MARCHF7: variants seen among roughly 807,000 people sequenced by gnomAD.
MARCHF7 encodes E3 ubiquitin-protein ligase MARCHF7.
Under a neutral mutation model 76.5 loss-of-function variants are expected in MARCHF7, and 20 were observed. That is an observed-to-expected ratio of 0.26 (90% CI 0.18 to 0.38). The LOEUF (loss-of-function observed/expected upper bound fraction) is 0.38, where lower values mean the gene tolerates loss of function less well. Among genes scored for constraint, MARCHF7 ranks in the 10% least tolerant of loss-of-function variants. MARCHF7 has a pLI of 1.00. For synonymous variants in MARCHF7, 295 were observed against 293.0 expected (o/e 1.01, Z -0.07); for missense variants, 797 against 812.9 (o/e 0.98, Z 0.24).
Position 159,712,517 on chromosome 2 carries a change from G to C in MARCHF7, c.-232G>C, listed in dbSNP as rs745638141. 5 of 152,812 alleles carry C rather than the reference G, an allele frequency of 3.3e-5. No individual in the cohort carries two copies. Among genetic ancestry groups the C allele is most frequent in the African/African-American group, 1.2e-4 (5 of 41,450 alleles). 9.5% of individuals were successfully genotyped at this position (152,812 alleles called of 1,614,324 possible). ...TAACGGTGGTGGCTGGTTCTGCGCC[G>C]GATCCGGGAGAGGGGCGGGCGCCAT... On this transcript the variant is annotated 5_prime_UTR_variant, in exon 1 of 12. Coordinates refer to ENST00000409175, the MANE Select transcript of MARCHF7 (RefSeq NM_001282805.2).
intron 4 of MARCHF7, chr2:159,733,992 A>G (rs1703140123): frequency 1.5e-6 from 2 of 1,325,096 alleles, no homozygotes; most frequent in Middle Eastern, 2.0e-4. Context: ...ACCTGCTACT[A>G]ATCTTGCTGT....
intron 7 of MARCHF7, 46 bp downstream of exon 7, chr2:159,748,949 A>G (rs184322575): frequency 6.8e-7 from 1 of 1,460,206 alleles, no homozygotes; most frequent in East Asian, 2.4e-5. Flanking sequence ...AAAATAGAGA[A>G]AGAACTCTTC....
At chr2:159,738,050 C>A (rs1703672790) in intron 4 of MARCHF7, among the ~76,000 whole-genome samples, 1 of 152,222 alleles carries the variant, frequency 6.6e-6, no homozygotes, top group Admixed American at 6.5e-5. Context: ...AAGGGTGAGC[C>A]AGACATGGAT....
At chr2:159,752,369 T>C (rs1307095142) in intron 7 of MARCHF7, 33 bp from the exon 8 acceptor site, 5 of 1,525,780 alleles carry the variant, frequency 3.3e-6, no homozygotes, top group Non-Finnish European at 3.5e-6. Flanking sequence ...GGATGAGTTA[T>C]GATAGCTTTG....
intron 6 of MARCHF7, among the ~76,000 whole-genome samples, chr2:159,747,178 A>T (rs1050425061): frequency 6.6e-6 from 1 of 152,190 alleles, no homozygotes; most frequent in African/African-American, 2.4e-5. Context: ...CCCTATTCTG[A>T]TTCATAGTTC....
chr2:159,723,424 G>T (rs1470447391), intron 3 of MARCHF7, among the ~76,000 whole-genome samples: 4 of 152,194 alleles, frequency 2.6e-5, no homozygotes, highest in Non-Finnish European at 4.4e-5. Flanking sequence ...CATAAACTGG[G>T]ACTGTTCTGG....
chr2:159,721,299 G>C (rs189280123), intron 3 of MARCHF7, among the ~76,000 whole-genome samples: 16 of 152,196 alleles, frequency 1.1e-4, no homozygotes, highest in South Asian at 4.1e-4. Context: ...CAGAGGAATG[G>C]AGTCACTCAT....
chr2:159,717,333 C>G (rs980528232), intron 3 of MARCHF7, among the ~76,000 whole-genome samples: 2 of 152,250 alleles, frequency 1.3e-5, no homozygotes, highest in South Asian at 4.1e-4. Flanking sequence ...ACCATAGGTT[C>G]TTTAGACCAC....
chr2:159,767,393 T>C lies in MARCHF7; in HGVS notation c.*51T>C. The C allele has an allele frequency of 1.4e-6, 2 of 1,390,716 alleles. No individual in the cohort carries two copies. The highest frequency in any genetic ancestry group is 2.4e-5 in the South Asian group (2 of 82,438). The allele number at this position is 1,390,716 out of a possible 1,614,324, so 86.1% of individuals were successfully genotyped here. On this transcript the variant is annotated 3_prime_UTR_variant, in exon 12 of 12. Coordinates refer to ENST00000409175, the MANE Select transcript of MARCHF7 (RefSeq NM_001282805.2). ...TGTGAACATAAGTGTTTATTAAAAA[T>C]GGCAATTAAATATAAATTACTTTTG...
At chr2:159,753,065 A>G (rs1705847678) in intron 8 of MARCHF7, among the ~76,000 whole-genome samples, 1 of 152,192 alleles carries the variant, frequency 6.6e-6, no homozygotes, top group South Asian at 2.1e-4. Context: ...TGCTTCTTGT[A>G]GTGATATTGG....
In MARCHF7 at chr2:159,749,433, C is replaced by T. The variant is rs544548731; in HGVS notation, c.1613+530C>T. On this transcript the variant is annotated intron_variant, in intron 7 of 11. Coordinates refer to ENST00000409175, the MANE Select transcript of MARCHF7 (RefSeq NM_001282805.2). ...CACAGTCTTGGCTCACTGCAACCTCCGCCTCCCTGGTTCAAGCAATTCTCC... is the reference window on the plus strand; with the variant it reads ...CACAGTCTTGGCTCACTGCAACCTCTGCCTCCCTGGTTCAAGCAATTCTCC... 2.9e-3 allele frequency among the ~76,000 whole-genome samples: 437 copies of T among 151,710 alleles called. No individual in the cohort carries two copies. The Middle Eastern group carries it at 0.044, about 15-fold the overall frequency.
chr2:159,767,069 T>C (rs1471967652), intron 11 of MARCHF7, among the ~76,000 whole-genome samples: 1 of 152,118 alleles, frequency 6.6e-6, no homozygotes, highest in East Asian at 1.9e-4. Flanking sequence ...TGATATAACA[T>C]TACAAAACGG....
At chr2:159,764,220 G>GTC (rs1282003725) in intron 10 of MARCHF7, among the ~76,000 whole-genome samples, 5 of 81,624 alleles carry the variant, frequency 6.1e-5, no homozygotes, top group African/African-American at 1.6e-4. Context: ...TTTTGTGTGT[G>GTC]TGTGTGTGTG....
chr2:159,745,883 A>T lies in MARCHF7; in HGVS notation c.460A>T (p.Ile154Phe). 6.2e-7 allele frequency: 1 copy of T among 1,611,818 alleles called. No individual in the cohort carries two copies. The highest frequency in any genetic ancestry group is 1.1e-5 in the South Asian group (1 of 90,964). ...RDLERRTDSS[I>F]SNLMDYSHRS... The stretch of plus-strand genomic sequence containing the variant: ...TTTGGAGAGAAGAACAGATTCCTCT[A>T]TTAGTAATCTTATGGATTATAGTCA... The change falls in exon 6 of 12, where the codon ATT (isoleucine) becomes TTT (phenylalanine). Residue 154 changes from isoleucine to phenylalanine, a missense_variant. Physicochemically the swap from Ile to Phe is conservative, Grantham distance 21. Around this residue, in one of 3 missense-constraint regions of MARCHF7, gnomAD observed 643 missense variants for 631.5 expected, o/e 1.02. Coordinates refer to ENST00000409175, the MANE Select transcript of MARCHF7 (RefSeq NM_001282805.2).
At chr2:159,714,069 G>C (rs967183244) in intron 1 of MARCHF7, among the ~76,000 whole-genome samples, 1 of 152,148 alleles carries the variant, frequency 6.6e-6, no homozygotes, top group Non-Finnish European at 1.5e-5. Flanking sequence ...CTACATGAAG[G>C]TGTCAGGTAA....
chr2:159,754,564 C>G (rs1460330389), intron 8 of MARCHF7, among the ~76,000 whole-genome samples: 5 of 151,972 alleles, frequency 3.3e-5, no homozygotes, highest in Admixed American at 3.3e-4. Context: ...ATTAGAGTTA[C>G]ATGGGATCAC....
chr2:159,732,460 G>A (rs527597673), intron 4 of MARCHF7, among the ~76,000 whole-genome samples: 3 of 152,238 alleles, frequency 2.0e-5, no homozygotes, highest in African/African-American at 7.2e-5. Flanking sequence ...TTTTTAGGCT[G>A]CTTTGCTTAT....
rs1027036217 is a variant in MARCHF7, at chr2:159,770,814, C to CCTAA, written c.*3476_*3479dup. 3.9e-5 allele frequency: 6 copies of CCTAA among 152,202 alleles called. No individual in the cohort carries two copies. The highest frequency in any genetic ancestry group is 9.6e-5 in the African/African-American group (4 of 41,534). The allele number at this position is 152,202 out of a possible 1,614,324, so 9.4% of individuals were successfully genotyped here. ...ACAAGCTGATTTTCACACAAGATTC[C>CCTAA]CTAACTATGCATTTCTTAGAACGTA... On this transcript the variant is annotated 3_prime_UTR_variant, in exon 12 of 12. Coordinates refer to ENST00000409175, the MANE Select transcript of MARCHF7 (RefSeq NM_001282805.2).
At chr2:159,741,212 A>G (rs926028515) in intron 4 of MARCHF7, among the ~76,000 whole-genome samples, 3 of 152,156 alleles carry the variant, frequency 2.0e-5, no homozygotes, top group African/African-American at 7.2e-5. Flanking sequence ...GTCTCTACAA[A>G]ATAAAAATTA....
Sources: gnomAD v4.1 joint callset for allele counts (sites outside exome capture counted in the v4.1 genomes callset) on GRCh38, gnomAD v4.1.1 for gene constraint, gnomAD v4.1.1 regional missense constraint, MANE v1.5 for transcripts, NCBI Gene and HGNC (gene_info 2026-07-23, HGNC 2026-07-21) for gene names.